The following CARS1 variants were observed in gnomAD, a reference collection of about 807,000 sequenced individuals.
CARS1 encodes the protein cysteine--tRNA ligase, cytoplasmic.
Under a neutral mutation model 106.2 loss-of-function variants are expected in CARS1, and 48 were observed. That is an observed-to-expected ratio of 0.45 (90% CI 0.36 to 0.57). The LOEUF (loss-of-function observed/expected upper bound fraction) is 0.57, where lower values mean the gene tolerates loss of function less well. Ranked by LOEUF, CARS1 falls within the 20% of genes least tolerant of loss-of-function variation. The pLI is 0.00. For synonymous variants in CARS1, 409 were observed against 403.4 expected (o/e 1.01, Z -0.17); for missense variants, 968 against 1,057.2 (o/e 0.92, Z 1.17).
In CARS1 at chr11:3,016,277, A is replaced by G. The variant is rs1487447518; in HGVS notation, c.1918-428T>C. 1.4e-4 allele frequency among the ~76,000 whole-genome samples: 21 copies of G among 150,652 alleles called. No individual in the cohort carries two copies. In the East Asian group the frequency reaches 2.2e-3, roughly 15 times the overall value. On this transcript the variant is annotated intron_variant, in intron 16 of 22. Coordinates refer to ENST00000380525, the MANE Select transcript of CARS1 (RefSeq NM_001014437.3). The stretch of plus-strand genomic sequence containing the variant: ...ACTCTGTCGCCCAGGCTGGAGTGCA[A>G]TGGCGCAATCTTGGCTCACTGCAAG...
chr11:3,039,856 G>A lies in CARS1; in HGVS notation c.531C>T (p.Asn177=), dbSNP rs1854191466. ...TTACCTTGTCATCAATATCCGTAAT[G>A]TTCATGCAATAAAAGACATCAAATT... ...YFKFDVFYCM[N]ITDIDDKIIK... is the part of the protein sequence containing the mutation. The change falls in exon 5 of 23, where the codon AAC becomes AAT. Residue 177 remains asparagine, a synonymous_variant. Coordinates refer to ENST00000380525, the MANE Select transcript of CARS1 (RefSeq NM_001014437.3). This position sits in a 1 kb window ranked among gnomAD's most constrained non-coding sequence, Gnocchi z 5.6. The A allele has an allele frequency of 1.9e-6, 3 of 1,558,342 alleles. No individual in the cohort carries two copies. Among genetic ancestry groups the A allele is most frequent in the Non-Finnish European group, 2.6e-6 (3 of 1,141,440 alleles).
At position 3,003,193 on chromosome 11, in the gene CARS1, C is replaced by A. The variant is rs1215763989; in HGVS notation, c.2218-593G>T. On this transcript the variant is annotated intron_variant, in intron 20 of 22. Coordinates refer to ENST00000380525, the MANE Select transcript of CARS1 (RefSeq NM_001014437.3). The surrounding 1 kb of genome is among the most constrained non-coding windows in gnomAD (Gnocchi z 4.8). ...AGGCTGGGTGCCGGTGAGGGAAGCC[C>A]TCGGTTGCTTTGGGAGGTTCTGGCC... Among the ~76,000 whole-genome samples, 1 of 137,402 alleles carries A rather than the reference C, an allele frequency of 7.3e-6. No individual in the cohort carries two copies. Among genetic ancestry groups the A allele is most frequent in the African/African-American group, 2.5e-5 (1 of 40,410 alleles). The allele number at this position is 137,402 out of a possible 152,430, so 90.1% of individuals were successfully genotyped here. A position where few individuals can be genotyped will look rare whatever the true frequency, so the allele number is the denominator to read the frequency against.
intron 19 of CARS1, among the ~76,000 whole-genome samples, chr11:3,006,608 G>T (rs776249543): frequency 1.3e-5 from 2 of 152,250 alleles, no homozygotes; most frequent in Admixed American, 6.5e-5. Context: ...GTAGCAACAG[G>T]GGCAGCGGGC....
intron 2 of CARS1, among the ~76,000 whole-genome samples, chr11:3,042,528 T>A (rs1055317307): frequency 2.4e-4 from 37 of 151,694 alleles, no homozygotes; most frequent in African/African-American, 8.2e-4. Flanking sequence ...GACAACCGCG[T>A]CTTTCTTTTG....
Position 3,008,762 on chromosome 11 carries a change from TC to T in CARS1, c.2069-1804del, listed in dbSNP as rs1850153840. On this transcript the variant is annotated intron_variant, in intron 18 of 22. Coordinates refer to ENST00000380525, the MANE Select transcript of CARS1 (RefSeq NM_001014437.3). This position sits in a 1 kb window ranked among gnomAD's most constrained non-coding sequence, Gnocchi z 5.1. ...CCTTTATATTTGTCTGCAGTATCATTCCTGGGAACAGGCCCTCCTCAGCCAC... is the reference window on the plus strand; with the variant it reads ...CCTTTATATTTGTCTGCAGTATCATTCTGGGAACAGGCCCTCCTCAGCCAC... The T allele has an allele frequency of 6.6e-6, 1 of 152,172 alleles. No homozygotes were observed. Among genetic ancestry groups the T allele is most frequent in the African/African-American group, 2.4e-5 (1 of 41,418 alleles). 9.4% of individuals were successfully genotyped at this position (152,172 alleles called of 1,614,324 possible).
Position 3,008,859 on chromosome 11 carries a change from G to C in CARS1, c.2069-1900C>G, listed in dbSNP as rs1459283301. ...CTTCACTCTTTGAAAGCCACCCCTG[G>C]ATAGCACCCTCATTAGAAGGAAGGC... is the stretch of plus-strand genomic sequence containing the variant. On this transcript the variant is annotated intron_variant, in intron 18 of 22. Coordinates refer to ENST00000380525, the MANE Select transcript of CARS1 (RefSeq NM_001014437.3). This position sits in a 1 kb window ranked among gnomAD's most constrained non-coding sequence, Gnocchi z 5.1. 1 of 152,154 alleles carries C rather than the reference G, an allele frequency of 6.6e-6. No homozygotes were observed. Among genetic ancestry groups the C allele is most frequent in the Non-Finnish European group, 1.5e-5 (1 of 68,066 alleles). The allele number at this position is 152,154 out of a possible 1,614,324, so 9.4% of individuals were successfully genotyped here.
Position 3,053,467 on chromosome 11 carries a change from G to A in CARS1, c.25+3876C>T, listed in dbSNP as rs1399654597. Among the ~76,000 whole-genome samples, 1 of 152,110 alleles carries A rather than the reference G, an allele frequency of 6.6e-6. No individual in the cohort carries two copies. The highest frequency in any genetic ancestry group is 1.9e-4 in the East Asian group (1 of 5,180). ...GCTGGTCTAGAACTCCTGACCTCAG[G>A]TGATCCACCCACCTCGGCCTCCCAA... is the stretch of plus-strand genomic sequence containing the variant. On this transcript the variant is annotated intron_variant, in intron 1 of 22. Coordinates refer to ENST00000380525, the MANE Select transcript of CARS1 (RefSeq NM_001014437.3). This position sits in a 1 kb window ranked among gnomAD's most constrained non-coding sequence, Gnocchi z 6.6.
chr11:3,027,742 G>A (rs1318341705), intron 9 of CARS1: 3 of 434,408 alleles, frequency 6.9e-6, no homozygotes, highest in African/African-American at 2.0e-5. Context: ...CCCGGACACG[G>A]CCACCAGAAG....
At chr11:3,054,198 G>T (rs546925219) in intron 1 of CARS1, among the ~76,000 whole-genome samples, 2 of 152,160 alleles carry the variant, frequency 1.3e-5, no homozygotes, top group African/African-American at 4.8e-5. Context: ...CAGCCCCGGA[G>T]GTCCAGCTGC....
chr11:3,025,753 C>T (rs914002995), intron 10 of CARS1, among the ~76,000 whole-genome samples: 2 of 152,176 alleles, frequency 1.3e-5, no homozygotes, highest in East Asian at 1.9e-4. Context: ...AAAACACCAA[C>T]GAAAGGGTTC....
Position 3,028,057 on chromosome 11 carries a change from C to T in CARS1, c.1031+939G>A, listed in dbSNP as rs533213478. 1.4e-5 allele frequency: 4 copies of T among 293,246 alleles called. No homozygotes were observed. The highest frequency in any genetic ancestry group is 8.5e-5 in the South Asian group (3 of 35,258). 18.2% of individuals were successfully genotyped at this position (293,246 alleles called of 1,614,324 possible). ...TTCCATCCTGTACACCTGGCTCTAC[C>T]TTCTAGATAGCAGTAGCAAATTAGT... On this transcript the variant is annotated intron_variant, in intron 9 of 22. Transcript: ENST00000380525. This position sits in a 1 kb window ranked among gnomAD's most constrained non-coding sequence, Gnocchi z 4.4.
rs147396355 is a variant in CARS1, at chr11:3,052,612, T to C, written c.26-4611A>G. ...GCTCATCAAAAGGGAACCAAGACCA[T>C]GCTTGGGAAGGATCTTCTCAGAGCA... On this transcript the variant is annotated intron_variant, in intron 1 of 22. Coordinates refer to ENST00000380525, the MANE Select transcript of CARS1 (RefSeq NM_001014437.3). The surrounding 1 kb of genome is among the most constrained non-coding windows in gnomAD (Gnocchi z 4.6). 6.1e-3 allele frequency among the ~76,000 whole-genome samples: 935 copies of C among 152,330 alleles called. 6 individuals carry two copies. The highest frequency in any genetic ancestry group is 0.021 in the African/African-American group (891 of 41,564).
chr11:3,001,950 A>G lies in CARS1; in HGVS notation c.2361+20T>C. The G allele has an allele frequency of 6.4e-7, 1 of 1,572,138 alleles. No homozygotes were observed. The highest frequency in any genetic ancestry group is 8.8e-7 in the Non-Finnish European group (1 of 1,141,808). ...TCTGATCAAGTTCTGAATAGAAGAG[A>G]AGGATGCTTACATGCTTACATTTTC... On this transcript the variant is annotated intron_variant, in intron 22 of 22. Transcript: ENST00000380525.
rs932918704 is a variant in CARS1, at chr11:3,015,726, G to C, written c.1986+55C>G. On this transcript the variant is annotated intron_variant, in intron 17 of 22. Transcript: ENST00000380525. ...GGGGCAGTTCAGAGGGACACAGAGG[G>C]GTAGGGAGTGGGGAGGGAGCAGGTG... 6.2e-6 allele frequency: 9 copies of C among 1,455,250 alleles called. No homozygotes were observed. In the Admixed American group the frequency reaches 1.5e-4, roughly 24 times the overall value. The allele number at this position is 1,455,250 out of a possible 1,614,324, so 90.1% of individuals were successfully genotyped here.
chr11:3,037,594 A>G lies in CARS1; in HGVS notation c.801+456T>C, dbSNP rs1345313212. Among the ~76,000 whole-genome samples the G allele has an allele frequency of 6.6e-6, 1 of 152,168 alleles. No individual in the cohort carries two copies. Among genetic ancestry groups the G allele is most frequent in the Non-Finnish European group, 1.5e-5 (1 of 68,018 alleles). ...CCCTGTGTCTGAAGGAGATATTGGC[A>G]GGGGCAGGAGAGCTGGTCAACGTGA... is the stretch of plus-strand genomic sequence containing the variant. On this transcript the variant is annotated intron_variant, in intron 7 of 22. Coordinates refer to ENST00000380525, the MANE Select transcript of CARS1 (RefSeq NM_001014437.3). The surrounding 1 kb of genome is among the most constrained non-coding windows in gnomAD (Gnocchi z 5.9).
chr11:3,038,180 T>C lies in CARS1; in HGVS notation c.671A>G (p.Asn224Ser). Residue 224 changes from asparagine (N) to serine (S), a missense_variant, in exon 7 of 23, where the codon AAT (asparagine) becomes AGT (serine). Coordinates refer to ENST00000380525, the MANE Select transcript of CARS1 (RefSeq NM_001014437.3). This position sits in a 1 kb window ranked among gnomAD's most constrained non-coding sequence, Gnocchi z 4.0. ...CTTTTTATCGGGATCCGTGGTCTCA[T>C]TTAATTTTACTGAAAATGGCTGCAA... Reference protein sequence around the residue: ...AALKPFSVKLNETTDPDKKQM... With the variant: ...AALKPFSVKLSETTDPDKKQM... 1 of 1,614,058 alleles carries C rather than the reference T, an allele frequency of 6.2e-7. No individual in the cohort carries two copies. The highest frequency in any genetic ancestry group is 8.5e-7 in the Non-Finnish European group (1 of 1,179,896).
intron 14 of CARS1, chr11:3,018,171 A>G (rs375740341): frequency 2.4e-5 from 15 of 612,462 alleles, no homozygotes; most frequent in Middle Eastern, 4.3e-4. Flanking sequence ...TACAAGTCAG[A>G]AGGACGTGCA....
At position 3,003,996 on chromosome 11, in the gene CARS1, C is replaced by T. The variant is rs997655591; in HGVS notation, c.2217+1370G>A. ...TGAGGCTCTGGCCGGGCCACCCTGG[C>T]GCTCCTCTTGTCTGTTTCCTGCTTC... On this transcript the variant is annotated intron_variant, in intron 20 of 22. Transcript: ENST00000380525. The surrounding 1 kb of genome is among the most constrained non-coding windows in gnomAD (Gnocchi z 4.8). Among the ~76,000 whole-genome samples, 3 of 152,168 alleles carry T rather than the reference C, an allele frequency of 2.0e-5. No homozygotes were observed. The highest frequency in any genetic ancestry group is 6.5e-5 in the Admixed American group (1 of 15,284).
In CARS1 at chr11:3,041,013, A is replaced by G; in HGVS notation, c.367-29T>C. On this transcript the variant is annotated intron_variant, in intron 3 of 22. Transcript: ENST00000380525. The surrounding 1 kb of genome is among the most constrained non-coding windows in gnomAD (Gnocchi z 4.9). ...TGTTAGGAATGAAGGAATGACGATC[A>G]CAAGAAATGCAAGAAACACTGCACA... is the stretch of plus-strand genomic sequence containing the variant. 1 of 1,614,136 alleles carries G rather than the reference A, an allele frequency of 6.2e-7. No homozygotes were observed.
Sources: allele counts gnomAD v4.1 joint callset (sites outside exome capture counted in the v4.1 genomes callset), GRCh38; gene constraint gnomAD v4.1.1; non-coding constraint Gnocchi (gnomAD v3.1); transcripts MANE v1.5; gene names NCBI Gene and HGNC (gene_info 2026-07-23, HGNC 2026-07-21).